The following WDR70 variants were observed in gnomAD, a reference collection of about 807,000 sequenced individuals.
WDR70 encodes WD repeat domain 70, also known as WD repeat-containing protein 70.
A neutral mutation model predicts 88.6 loss-of-function variants in WDR70; 53 were observed. That is an observed-to-expected ratio of 0.60 (90% CI 0.48 to 0.75). WDR70 has a LOEUF of 0.75. Among genes scored for constraint, WDR70 ranks in the 30% least tolerant of loss-of-function variants. The pLI, the probability that WDR70 is intolerant of heterozygous loss-of-function variation, is 0.00. For missense variants in WDR70, 610 were observed against 823.2 expected, an observed-to-expected ratio of 0.74 and a Z score of 3.17; for synonymous variants, 280 against 270.0, an observed-to-expected ratio of 1.04 and a Z score of -0.36.
chr5:37,585,477 T>C (rs968065051), intron 9 of WDR70, among the ~76,000 whole-genome samples: 2 of 152,204 alleles, frequency 1.3e-5, no homozygotes, highest in African/African-American at 4.8e-5. Context: ...TTCTTCTCTT[T>C]GTTCTCAGTG....
chr5:37,697,740 T>C lies in WDR70; in HGVS notation c.1178T>C (p.Leu393Pro). ...CVTFSYDGNV[L>P]ASRGGDDSLK... Reference sequence around the variant, plus strand: ...ACTTTTTCCTATGATGGTAATGTCCTTGCCTCTCGTGGAGGTAGGTTAAAA... The same window carrying C: ...ACTTTTTCCTATGATGGTAATGTCCCTGCCTCTCGTGGAGGTAGGTTAAAA... The change falls in exon 11 of 18, where the codon CTT becomes CCT. Residue 393 changes from leucine to proline, a missense_variant. Physicochemically the swap from Leu to Pro is moderately conservative, Grantham distance 98. Around this residue, in one of 4 missense-constraint regions of WDR70, gnomAD observed 254 missense variants for 300.7 expected, o/e 0.84. Transcript: ENST00000265107. 1 of 1,613,534 alleles carries C rather than the reference T, an allele frequency of 6.2e-7. No homozygotes were observed. The highest frequency in any genetic ancestry group is 8.5e-7 in the Non-Finnish European group (1 of 1,179,518).
At chr5:37,445,390 G>A (rs1581284465) in intron 7 of WDR70, among the ~76,000 whole-genome samples, 1 of 151,768 alleles carries the variant, frequency 6.6e-6, no homozygotes, top group African/African-American at 2.4e-5. Flanking sequence ...TTATGTCACC[G>A]AGAGCTACAA....
At chr5:37,616,241 C>T (rs866019526) in intron 10 of WDR70, among the ~76,000 whole-genome samples, 2 of 151,998 alleles carry the variant, frequency 1.3e-5, no homozygotes, top group African/African-American at 2.4e-5. Flanking sequence ...CTCAGCCTTC[C>T]GAGTAGCTGG....
At chr5:37,679,763 G>A (rs891863121) in intron 10 of WDR70, among the ~76,000 whole-genome samples, 5 of 152,224 alleles carry the variant, frequency 3.3e-5, no homozygotes, top group Non-Finnish European at 5.9e-5. Flanking sequence ...TCTCTTCAGA[G>A]CTGTCAGACC....
intron 9 of WDR70, among the ~76,000 whole-genome samples, chr5:37,577,481 A>C (rs1743092592): frequency 6.6e-6 from 1 of 152,192 alleles, no homozygotes; most frequent in Non-Finnish European, 1.5e-5. Flanking sequence ...CCAGCCAATC[A>C]ATCAAAAAAA....
intron 17 of WDR70, among the ~76,000 whole-genome samples, chr5:37,740,204 C>A (rs1035822181): frequency 3.3e-5 from 5 of 152,206 alleles, no homozygotes; most frequent in Admixed American, 3.3e-4. Flanking sequence ...GCCTAATCAT[C>A]TGTTCCTCAT....
intron 17 of WDR70, among the ~76,000 whole-genome samples, chr5:37,735,498 ACT>A (rs567241926): frequency 2.5e-4 from 38 of 152,118 alleles, no homozygotes; most frequent in African/African-American, 7.0e-4. Context: ...AGAGGACTGC[ACT>A]CTCTTCCTGA....
intron 7 of WDR70, among the ~76,000 whole-genome samples, chr5:37,448,650 G>A (rs1287471097): frequency 6.6e-6 from 1 of 152,028 alleles, no homozygotes; most frequent in African/African-American, 2.4e-5. Context: ...TTTTTCTTAT[G>A]ATTAACATCT....
intron 8 of WDR70, among the ~76,000 whole-genome samples, chr5:37,504,222 T>A (rs1164604673): frequency 6.6e-6 from 1 of 152,172 alleles, no homozygotes; most frequent in Non-Finnish European, 1.5e-5. Flanking sequence ...CTTTGTCAAA[T>A]ATTAAATATC....
rs529933496 is a variant in WDR70 at position 37,691,714 on chromosome 5, T to A, written c.1093-5941T>A. 9.8e-5 allele frequency among the ~76,000 whole-genome samples: 15 copies of A among 152,306 alleles called. No individual in the cohort carries two copies. In the South Asian group the frequency reaches 2.9e-3, roughly 29 times the overall value. ...TCTCTGGGTCACATTTAAAGCAGTG[T>A]GTAAAGGGAAATTTATAGCACTAAA... On this transcript the variant is annotated intron_variant, in intron 10 of 17. Transcript: ENST00000265107.
chr5:37,488,599 T>G (rs946578157), intron 8 of WDR70, among the ~76,000 whole-genome samples: 1 of 151,784 alleles, frequency 6.6e-6, no homozygotes, highest in African/African-American at 2.4e-5. Flanking sequence ...GTTGAAGCTT[T>G]CAGTTGTATT....
intron 9 of WDR70, 128 bp downstream of exon 9, chr5:37,516,718 T>TATATATATAC: frequency 6.3e-6 from 1 of 158,748 alleles, no homozygotes; most frequent in Admixed American, 8.2e-5. Flanking sequence ...TATACATATA[T>TATATATATAC]ATATATATTT....
At position 37,479,990 on chromosome 5, in the gene WDR70, A is replaced by AC; in HGVS notation, c.840+3_840+4insC. The AC allele has an allele frequency of 6.2e-7, 1 of 1,610,628 alleles. No homozygotes were observed. Among genetic ancestry groups the AC allele is most frequent in the Non-Finnish European group, 8.5e-7 (1 of 1,178,738 alleles). Reference sequence around the variant, plus strand: ...TTGTGGACATGGCCAACACCAAGGTAAGCATTAAACAGAATATTTTAATGA... The same window carrying AC: ...TTGTGGACATGGCCAACACCAAGGTACAGCATTAAACAGAATATTTTAATGA... On this transcript the variant is annotated splice_donor_region_variant and intron_variant, in intron 8 of 17. Transcript: ENST00000265107.
intron 17 of WDR70, among the ~76,000 whole-genome samples, chr5:37,727,595 A>C (rs1374534138): frequency 6.6e-6 from 1 of 152,120 alleles, no homozygotes; most frequent in Non-Finnish European, 1.5e-5. Flanking sequence ...ATTTATTTAG[A>C]GTCAGGATCT....
rs577574144 is a variant in WDR70, at chr5:37,709,147, C to T, written c.1416+6060C>T. Reference sequence around the variant, plus strand: ...AAAGACTACATTTGGCATTTGTCTGCCTTCTAAAATATAGTGAAACCTCCT... The same window carrying T: ...AAAGACTACATTTGGCATTTGTCTGTCTTCTAAAATATAGTGAAACCTCCT... On this transcript the variant is annotated intron_variant, in intron 13 of 17. Transcript: ENST00000265107. 2.0e-5 allele frequency among the ~76,000 whole-genome samples: 3 copies of T among 152,214 alleles called. No individual in the cohort carries two copies. The East Asian group carries it at 5.8e-4, about 29-fold the overall frequency.
intron 9 of WDR70, among the ~76,000 whole-genome samples, chr5:37,597,687 C>T (rs2112461645): frequency 6.6e-6 from 1 of 152,294 alleles, no homozygotes; most frequent in African/African-American, 2.4e-5. Context: ...CTTGCCTGCT[C>T]CTTTTCTCCT....
intron 17 of WDR70, among the ~76,000 whole-genome samples, chr5:37,732,673 GTCT>G (rs1748182323): frequency 6.6e-6 from 1 of 152,056 alleles, no homozygotes. Context: ...AACTATTTAT[GTCT>G]TTTGCCCATT....
chr5:37,517,070 G>A (rs1740911518), intron 9 of WDR70, among the ~76,000 whole-genome samples: 1 of 152,020 alleles, frequency 6.6e-6, no homozygotes, highest in Non-Finnish European at 1.5e-5. Flanking sequence ...TGTAGTATTT[G>A]ATTAAACAAA....
intron 9 of WDR70, among the ~76,000 whole-genome samples, chr5:37,601,819 C>T (rs1422691271): frequency 6.6e-6 from 1 of 152,026 alleles, no homozygotes; most frequent in Non-Finnish European, 1.5e-5. Flanking sequence ...TGGAACCAAC[C>T]CAAATGTCCA....
Sources: allele counts gnomAD v4.1 joint callset (sites outside exome capture counted in the v4.1 genomes callset), GRCh38; gene constraint gnomAD v4.1.1; regional missense constraint gnomAD v4.1.1; transcripts MANE v1.5; gene names NCBI Gene and HGNC (gene_info 2026-07-23, HGNC 2026-07-21).